The following RUNX1 variants were observed in gnomAD, a reference collection of about 807,000 sequenced individuals.
RUNX1 encodes the protein runt-related transcription factor 1.
In RUNX1, 19 loss-of-function variants were observed where a neutral mutation model predicts 42.8. That is an observed-to-expected ratio of 0.44 (90% CI 0.31 to 0.65). The LOEUF (loss-of-function observed/expected upper bound fraction) is 0.65, where lower values mean the gene tolerates loss of function less well. RUNX1 is among the 30% of genes least tolerant of loss of function. RUNX1 has a pLI of 0.07. For synonymous variants in RUNX1, 271 were observed against 289.4 expected (o/e 0.94, Z 0.64); for missense variants, 528 against 672.0 (o/e 0.79, Z 2.37).
intron 4 of RUNX1, among the ~76,000 whole-genome samples, chr21:34,884,771 T>A (rs2057956104): frequency 1.3e-5 from 2 of 152,232 alleles, no homozygotes; most frequent in South Asian, 4.1e-4. Context: ...AATAATCAAA[T>A]GGTCTGATTT....
At chr21:34,872,289 C>T (rs982733348) in intron 5 of RUNX1, among the ~76,000 whole-genome samples, 10 of 152,278 alleles carry the variant, frequency 6.6e-5, no homozygotes, top group South Asian at 2.1e-4. Context: ...CTGCAGTCCT[C>T]GTGGACCTCA....
At chr21:34,887,525 G>T (rs1348009101) in intron 3 of RUNX1, 1 of 1,149,678 alleles carries the variant, frequency 8.7e-7, no homozygotes, top group Admixed American at 4.3e-5. Context: ...TTATTTGGAA[G>T]TTCCAGTAGT....
At chr21:34,908,913 T>C (rs2058248137) in intron 2 of RUNX1, among the ~76,000 whole-genome samples, 1 of 152,250 alleles carries the variant, frequency 6.6e-6, no homozygotes, top group South Asian at 2.1e-4. Flanking sequence ...CTTTCTTCTA[T>C]ATTTTCTTGG....
chr21:35,003,824 C>T (rs1315115241), intron 2 of RUNX1, among the ~76,000 whole-genome samples: 1 of 152,152 alleles, frequency 6.6e-6, no homozygotes, highest in African/African-American at 2.4e-5. Flanking sequence ...AAAATGAGCA[C>T]TGTGATCCAA....
chr21:34,823,630 G>A (rs897875350), intron 7 of RUNX1, among the ~76,000 whole-genome samples: 2 of 151,998 alleles, frequency 1.3e-5, no homozygotes, highest in African/African-American at 4.8e-5. Flanking sequence ...TTTTAGTAGA[G>A]ACGGGGTTTT....
intron 2 of RUNX1, among the ~76,000 whole-genome samples, chr21:34,934,907 C>T (rs2058474195): frequency 6.6e-6 from 1 of 152,086 alleles, no homozygotes; most frequent in Non-Finnish European, 1.5e-5. Flanking sequence ...AAACAGCAGG[C>T]ATATTCCTTC....
chr21:34,979,241 T>C (rs1181074189), intron 2 of RUNX1, among the ~76,000 whole-genome samples: 4 of 152,170 alleles, frequency 2.6e-5, no homozygotes, highest in Non-Finnish European at 5.9e-5. Context: ...ATTTTGTTCA[T>C]AGATATATGC....
chr21:34,899,760 G>C lies in RUNX1; in HGVS notation c.59-6797C>G, dbSNP rs555505360. ...TCAGCCCATGCAGTTTGCCTGCAGA[G>C]TGCCCGGTTGCAGCCAGCAGCTTGC... On this transcript the variant is annotated intron_variant, in intron 2 of 8. Transcript: ENST00000675419. Among the ~76,000 whole-genome samples, 4 of 152,344 alleles carry C rather than the reference G, an allele frequency of 2.6e-5. No individual in the cohort carries two copies. The East Asian group carries it at 7.7e-4, about 29-fold the overall frequency.
chr21:34,953,181 T>G (rs190431492), intron 2 of RUNX1, among the ~76,000 whole-genome samples: 1 of 152,272 alleles, frequency 6.6e-6, no homozygotes, highest in East Asian at 1.9e-4. Context: ...CTACGTGAAC[T>G]TAATTTAATG....
intron 5 of RUNX1, among the ~76,000 whole-genome samples, chr21:34,873,092 G>C (rs1052210832): frequency 3.9e-5 from 6 of 152,138 alleles, no homozygotes; most frequent in Non-Finnish European, 7.4e-5. Flanking sequence ...TAGATAGATA[G>C]AAAGATAGAT....
At chr21:34,936,545 C>T (rs1428211660) in intron 2 of RUNX1, among the ~76,000 whole-genome samples, 2 of 152,154 alleles carry the variant, frequency 1.3e-5, no homozygotes, top group Non-Finnish European at 2.9e-5. Flanking sequence ...TAAAAAGCTG[C>T]TAACTGTGTA....
intron 2 of RUNX1, among the ~76,000 whole-genome samples, chr21:34,906,917 C>T (rs2058224689): frequency 6.6e-6 from 1 of 152,156 alleles, no homozygotes; most frequent in African/African-American, 2.4e-5. Flanking sequence ...GAGCCCATGG[C>T]CTTATGGTTT....
chr21:34,959,708 T>C (rs2058669847), intron 2 of RUNX1, among the ~76,000 whole-genome samples: 2 of 151,794 alleles, frequency 1.3e-5, no homozygotes, highest in South Asian at 4.1e-4. Flanking sequence ...GGAACCTGAG[T>C]ACCTGAGGGA....
intron 2 of RUNX1, among the ~76,000 whole-genome samples, chr21:34,964,489 A>C (rs1347672302): frequency 3.2e-5 from 1 of 31,590 alleles, no homozygotes; most frequent in African/African-American, 1.7e-4. Flanking sequence ...CTCCATCTCA[A>C]AAAAAAAAAA....
At chr21:34,994,021 G>A (rs372631637) in intron 2 of RUNX1, among the ~76,000 whole-genome samples, 6 of 152,062 alleles carry the variant, frequency 3.9e-5, no homozygotes, top group South Asian at 2.1e-4. Flanking sequence ...TGTTCCCTCC[G>A]GGCCGGCTGG....
At chr21:34,868,993 T>G (rs1197323488) in intron 5 of RUNX1, among the ~76,000 whole-genome samples, 1 of 152,194 alleles carries the variant, frequency 6.6e-6, no homozygotes, top group African/African-American at 2.4e-5. Flanking sequence ...ATATTATTAT[T>G]ACATAGGCTT....
intron 8 of RUNX1, among the ~76,000 whole-genome samples, chr21:34,797,657 A>G (rs963662653): frequency 6.6e-6 from 1 of 152,254 alleles, no homozygotes; most frequent in Non-Finnish European, 1.5e-5. Context: ...AGAAACCACA[A>G]GCTAAACAAG....
intron 2 of RUNX1, among the ~76,000 whole-genome samples, chr21:34,952,769 T>C (rs949375387): frequency 1.3e-5 from 2 of 152,200 alleles, no homozygotes; most frequent in African/African-American, 4.8e-5. Context: ...TCATAATTAC[T>C]GTTTGCTGGG....
At chr21:34,999,081 A>G (rs1193212134) in intron 2 of RUNX1, among the ~76,000 whole-genome samples, 2 of 152,228 alleles carry the variant, frequency 1.3e-5, no homozygotes, top group African/African-American at 4.8e-5. Flanking sequence ...CAGCACTGGA[A>G]GCCCTGAATT....
Sources: gnomAD v4.1 joint callset for allele counts (sites outside exome capture counted in the v4.1 genomes callset) on GRCh38, gnomAD v4.1.1 for gene constraint, MANE v1.5 for transcripts, NCBI Gene and HGNC (gene_info 2026-07-23, HGNC 2026-07-21) for gene names.